Variants in VWA5B2 observed in about 807,000 individuals in gnomAD.
VWA5B2 encodes the protein von Willebrand factor A domain containing 5B2, also known as von Willebrand factor A domain-containing protein 5B2.
In VWA5B2, 93 loss-of-function variants were observed where a neutral mutation model predicts 118.5. The ratio of observed to expected loss-of-function variants is 0.79; its 90% CI spans 0.66 to 0.93. The LOEUF is 0.93. Ranked by LOEUF, VWA5B2 falls within the 40% of genes least tolerant of loss-of-function variation. VWA5B2 has a pLI of 0.00. For missense variants in VWA5B2, 1,546 were observed against 1,672.8 expected, an observed-to-expected ratio of 0.92 and a Z score of 1.32; for synonymous variants, 708 against 716.3, an observed-to-expected ratio of 0.99 and a Z score of 0.19.
At chr3:184,235,861 T>G (rs1052669617) in intron 8 of VWA5B2, among the ~76,000 whole-genome samples, 1 of 151,040 alleles carries the variant, frequency 6.6e-6, no homozygotes, top group Non-Finnish European at 1.5e-5. Context: ...CACACAGTCA[T>G]GTACACCTCC....
In VWA5B2 at chr3:184,239,896, G is replaced by A. The variant is rs1302768923; in HGVS notation, c.2600G>A (p.Gly867Glu). 4 of 1,551,658 alleles carry A rather than the reference G, an allele frequency of 2.6e-6. No homozygotes were observed. Among genetic ancestry groups the A allele is most frequent in the Non-Finnish European group, 3.5e-6 (4 of 1,146,990 alleles). The change falls in exon 16 of 20, where the codon GGA (glycine) becomes GAA (glutamate). Residue 867 changes from glycine (G) to glutamate (E), a missense_variant. Around this residue, in one of 3 missense-constraint regions of VWA5B2, gnomAD observed 763 missense variants for 766.6 expected, o/e 1.00. Coordinates refer to ENST00000691901, the MANE Select transcript of VWA5B2 (RefSeq NM_001390846.1). The surrounding 1 kb of genome is among the most constrained non-coding windows in gnomAD (Gnocchi z 5.1). ...GVGLETLWGPGDGSQPPSPPV... is the reference protein window; with the variant it reads ...GVGLETLWGPEDGSQPPSPPV... ...GGGCTGGAGACACTGTGGGGACCTG[G>A]AGATGGCTCACAGCCTCCCTCACCT...
At position 184,233,779 on chromosome 3, in the gene VWA5B2, A is replaced by C; in HGVS notation, c.688+46A>C. The C allele has an allele frequency of 6.5e-7, 1 of 1,543,070 alleles. No homozygotes were observed. ...TGCCCTCTTTTCAGATGCCCACTCC[A>C]CCCAGTGTAGTGACTGGAAGGGAAA... On this transcript the variant is annotated intron_variant, in intron 5 of 19. Coordinates refer to ENST00000691901, the MANE Select transcript of VWA5B2 (RefSeq NM_001390846.1). This position sits in a 1 kb window ranked among gnomAD's most constrained non-coding sequence, Gnocchi z 5.2.
rs978635335 is a variant in VWA5B2, at chr3:184,238,393, A to G, written c.1810A>G (p.Thr604Ala). The G allele has an allele frequency of 5.2e-6, 8 of 1,550,524 alleles. No individual in the cohort carries two copies. The African/African-American group carries it at 1.1e-4, about 21-fold the overall frequency. ...TGCTGCCAGCCCTGGCACTGAGCCC[A>G]CTGGCACCTCAGAGCCACTGGGAAC... ...PSAASPGTEP[T>A]GTSEPLGTGT... The change falls in exon 13 of 20, where the codon ACT (threonine) becomes GCT (alanine). Residue 604 changes from threonine to alanine, a missense_variant. Transcript: ENST00000691901. The surrounding 1 kb of genome is among the most constrained non-coding windows in gnomAD (Gnocchi z 5.0).
Position 184,238,188 on chromosome 3 carries a change from C to A in VWA5B2, c.1720-115C>A. The A allele has an allele frequency of 3.3e-6, 3 of 902,624 alleles. No homozygotes were observed. Among genetic ancestry groups the A allele is most frequent in the South Asian group, 3.8e-5 (2 of 52,552 alleles). The allele number at this position is 902,624 out of a possible 1,614,324, so 55.9% of individuals were successfully genotyped here. A position where few individuals can be genotyped will look rare whatever the true frequency, so the allele number is the denominator to read the frequency against. On this transcript the variant is annotated intron_variant, in intron 12 of 19. Transcript: ENST00000691901. This position sits in a 1 kb window ranked among gnomAD's most constrained non-coding sequence, Gnocchi z 5.0. ...TGCTTCCTCCTTCTTTAGTACTGGTCTTTTGTTTCTGGTTTATTAGCTTTG... is the reference window on the plus strand; with the variant it reads ...TGCTTCCTCCTTCTTTAGTACTGGTATTTTGTTTCTGGTTTATTAGCTTTG...
At position 184,237,334 on chromosome 3, in the gene VWA5B2, G is replaced by A. The variant is rs1435562364; in HGVS notation, c.1642G>A (p.Ala548Thr). 5 of 1,551,300 alleles carry A rather than the reference G, an allele frequency of 3.2e-6. No individual in the cohort carries two copies. The Admixed American group carries it at 7.8e-5, about 24-fold the overall frequency. The change falls in exon 12 of 20, where the codon GCA becomes ACA. Residue 548 changes from alanine to threonine, a missense_variant. Physicochemically the swap from Ala to Thr is moderately conservative, Grantham distance 58. Coordinates refer to ENST00000691901, the MANE Select transcript of VWA5B2 (RefSeq NM_001390846.1). The surrounding 1 kb of genome is among the most constrained non-coding windows in gnomAD (Gnocchi z 5.6). ...EALLTPREIP[A>T]LYPGDQLLGY... is the part of the protein sequence containing the mutation. Reference sequence around the variant, plus strand: ...ACTGCTGACCCCCCGGGAGATCCCAGCACTCTACCCTGGGGACCAGCTGCT... The same window carrying A: ...ACTGCTGACCCCCCGGGAGATCCCAACACTCTACCCTGGGGACCAGCTGCT...
Position 184,238,939 on chromosome 3 carries a change from C to A in VWA5B2, c.2202+66C>A. On this transcript the variant is annotated intron_variant, in intron 14 of 19. Coordinates refer to ENST00000691901, the MANE Select transcript of VWA5B2 (RefSeq NM_001390846.1). This position sits in a 1 kb window ranked among gnomAD's most constrained non-coding sequence, Gnocchi z 5.0. ...ATATTTATTTACCACCTGCTGTGCACCAGATATTATGTAGAGTTTACTATT... is the reference window on the plus strand; with the variant it reads ...ATATTTATTTACCACCTGCTGTGCAACAGATATTATGTAGAGTTTACTATT... 1 of 1,398,094 alleles carries A rather than the reference C, an allele frequency of 7.2e-7. No homozygotes were observed. The highest frequency in any genetic ancestry group is 9.5e-7 in the Non-Finnish European group (1 of 1,051,426). 86.6% of individuals were successfully genotyped at this position (1,398,094 alleles called of 1,614,324 possible).
rs1316397739 is a variant in VWA5B2 at position 184,233,785 on chromosome 3, T to C, written c.688+52T>C. 2.7e-5 allele frequency: 42 copies of C among 1,539,040 alleles called. No individual in the cohort carries two copies. Among genetic ancestry groups the C allele is most frequent in the South Asian group, 7.3e-5 (6 of 82,402 alleles). ...CTTTTCAGATGCCCACTCCACCCAG[T>C]GTAGTGACTGGAAGGGAAATAAGGC... On this transcript the variant is annotated intron_variant, in intron 5 of 19. Transcript: ENST00000691901. This position sits in a 1 kb window ranked among gnomAD's most constrained non-coding sequence, Gnocchi z 5.2.
At position 184,236,641 on chromosome 3, in the gene VWA5B2, C is replaced by A; in HGVS notation, c.1425C>A (p.Cys475Ter). 1 of 1,550,936 alleles carries A rather than the reference C, an allele frequency of 6.4e-7. No individual in the cohort carries two copies. The highest frequency in any genetic ancestry group is 8.7e-7 in the Non-Finnish European group (1 of 1,146,462). ...GCTGCTTCCTTTCCTTCATCAGATGCTTCTCCTTTGGGCTGGGGCCCACCT... is the reference window on the plus strand; with the variant it reads ...GCTGCTTCCTTTCCTTCATCAGATGATTCTCCTTTGGGCTGGGGCCCACCT... ...LMRWHRGTAR[C>*]FSFGLGPTCH... is the part of the protein sequence containing the mutation. The change falls in exon 11 of 20, where the codon TGC (cysteine) becomes TGA (stop). Residue 475 changes from cysteine (C) to a stop codon, truncating the protein, a stop_gained. Coordinates refer to ENST00000691901, the MANE Select transcript of VWA5B2 (RefSeq NM_001390846.1). LOFTEE classifies it high-confidence loss of function.
intron 1 of VWA5B2, 53 bp from the exon 2 acceptor site, chr3:184,230,327 C>A (rs1177180577): frequency 3.5e-6 from 2 of 567,846 alleles, no homozygotes; most frequent in Non-Finnish European, 5.5e-6. Flanking sequence ...GGATGCCCTC[C>A]TCGCCACCAC....
Position 184,233,443 on chromosome 3 carries a change from G to C in VWA5B2, c.530+46G>C. The C allele has an allele frequency of 6.7e-7, 1 of 1,498,762 alleles. No homozygotes were observed. The highest frequency in any genetic ancestry group is 8.9e-7 in the Non-Finnish European group (1 of 1,122,184). 92.8% of individuals were successfully genotyped at this position (1,498,762 alleles called of 1,614,324 possible). ...CTTCGTCCCTCCCTCGGCTTCTCTG[G>C]GTCTAGTGCGGGTGAGGGGGCACTG... On this transcript the variant is annotated intron_variant, in intron 4 of 19. Coordinates refer to ENST00000691901, the MANE Select transcript of VWA5B2 (RefSeq NM_001390846.1). This position sits in a 1 kb window ranked among gnomAD's most constrained non-coding sequence, Gnocchi z 5.2.
Position 184,233,721 on chromosome 3 carries a change from T to C in VWA5B2, c.676T>C (p.Cys226Arg), listed in dbSNP as rs1285503894. ...CTTCGAGATGCTGGTGACTGGGCCA[T>C]GCCTGCTTGCAGGTGGGTGCATCTG... Reference protein sequence around the residue: ...FSFEMLVTGPCLLAGLESPSH... With the variant: ...FSFEMLVTGPRLLAGLESPSH... Residue 226 changes from cysteine to arginine, a missense_variant, in exon 5 of 20, where the codon TGC (cysteine) becomes CGC (arginine). Coordinates refer to ENST00000691901, the MANE Select transcript of VWA5B2 (RefSeq NM_001390846.1). This position sits in a 1 kb window ranked among gnomAD's most constrained non-coding sequence, Gnocchi z 5.2. 1 of 1,550,470 alleles carries C rather than the reference T, an allele frequency of 6.4e-7. No individual in the cohort carries two copies. Among genetic ancestry groups the C allele is most frequent in the African/African-American group, 1.4e-5 (1 of 73,130 alleles).
chr3:184,241,701 G>A lies in VWA5B2; in HGVS notation c.3392G>A (p.Ser1131Asn). ...ACGGCCTCCTGCAGCCCGTCCCCCAGCTCGGGCTCTGAGGGGCCAGGCCAG... is the reference window on the plus strand; with the variant it reads ...ACGGCCTCCTGCAGCCCGTCCCCCAACTCGGGCTCTGAGGGGCCAGGCCAG... ...SATASCSPSP[S>N]SGSEGPGQVD... The change falls in exon 20 of 20, where the codon AGC (serine) becomes AAC (asparagine). Residue 1131 changes from serine (S) to asparagine (N), a missense_variant. Coordinates refer to ENST00000691901, the MANE Select transcript of VWA5B2 (RefSeq NM_001390846.1). The surrounding 1 kb of genome is among the most constrained non-coding windows in gnomAD (Gnocchi z 5.1). 1 of 1,513,304 alleles carries A rather than the reference G, an allele frequency of 6.6e-7. No homozygotes were observed. Among genetic ancestry groups the A allele is most frequent in the Non-Finnish European group, 8.8e-7 (1 of 1,132,470 alleles). The allele number at this position is 1,513,304 out of a possible 1,614,324, so 93.7% of individuals were successfully genotyped here.
rs184630385 is a variant in VWA5B2 at position 184,241,922 on chromosome 3, G to A, written c.3613G>A (p.Asp1205Asn). The A allele has an allele frequency of 1.3e-6, 2 of 1,547,544 alleles. No homozygotes were observed. Among genetic ancestry groups the A allele is most frequent in the Admixed American group, 2.0e-5 (1 of 50,804 alleles). Residue 1205 changes from aspartate (D) to asparagine (N), a missense_variant, in exon 20 of 20, where the codon GAC (aspartate) becomes AAC (asparagine). By Grantham distance (23) the Asp-to-Asn change is conservative. Around this residue, in one of 3 missense-constraint regions of VWA5B2, gnomAD observed 763 missense variants for 766.6 expected, o/e 1.00. Coordinates refer to ENST00000691901, the MANE Select transcript of VWA5B2 (RefSeq NM_001390846.1). The surrounding 1 kb of genome is among the most constrained non-coding windows in gnomAD (Gnocchi z 5.1). ...DCWLRAQHLPDGLDLAALKAA... is the reference protein window; with the variant it reads ...DCWLRAQHLPNGLDLAALKAA... Reference sequence around the variant, plus strand: ...CTGGCTGCGGGCCCAGCACTTGCCTGACGGCCTTGACCTGGCCGCCCTCAA... The same window carrying A: ...CTGGCTGCGGGCCCAGCACTTGCCTAACGGCCTTGACCTGGCCGCCCTCAA...
At position 184,241,095 on chromosome 3, in the gene VWA5B2, G is replaced by T. The variant is rs1560158134; in HGVS notation, c.2950G>T (p.Val984Phe). 4 of 1,551,586 alleles carry T rather than the reference G, an allele frequency of 2.6e-6. No individual in the cohort carries two copies. In the Admixed American group the frequency reaches 5.9e-5, roughly 23 times the overall value. ...HLDAAPLPTVVYSKGLQRGSP... is the reference protein window; with the variant it reads ...HLDAAPLPTVFYSKGLQRGSP... Reference sequence around the variant, plus strand: ...AGATGCAGCTCCTCTGCCCACTGTTGTCTACTCTAAAGGTAACACCCAAAG... The same window carrying T: ...AGATGCAGCTCCTCTGCCCACTGTTTTCTACTCTAAAGGTAACACCCAAAG... Residue 984 changes from valine (V) to phenylalanine (F), a missense_variant, in exon 18 of 20, where the codon GTC (valine) becomes TTC (phenylalanine). This residue lies in a region of VWA5B2 where 763 missense variants were observed against 766.6 expected (regional missense o/e 1.00). Transcript: ENST00000691901. This position sits in a 1 kb window ranked among gnomAD's most constrained non-coding sequence, Gnocchi z 5.1.
In VWA5B2 at chr3:184,233,651, C is replaced by A. The variant is rs148678125; in HGVS notation, c.606C>A (p.Asp202Glu). 1 of 1,551,300 alleles carries A rather than the reference C, an allele frequency of 6.4e-7. No homozygotes were observed. Among genetic ancestry groups the A allele is most frequent in the South Asian group, 1.2e-5 (1 of 84,044 alleles). ...GGGAGGAGCTGGCTGCCCCTCGGGA[C>A]GTGTTCTCAGGCCCTGCCCGCTGCC... Reference protein sequence around the residue: ...LAWEELAAPRDVFSGPARCPA... With the variant: ...LAWEELAAPREVFSGPARCPA... The change falls in exon 5 of 20, where the codon GAC (aspartate) becomes GAA (glutamate). Residue 202 changes from aspartate (D) to glutamate (E), a missense_variant. This residue lies in a region of VWA5B2 where 775 missense variants were observed against 882.3 expected (regional missense o/e 0.88). Transcript: ENST00000691901. The surrounding 1 kb of genome is among the most constrained non-coding windows in gnomAD (Gnocchi z 5.2).
At chr3:184,236,907 G>C (rs1439055491) in intron 11 of VWA5B2, among the ~76,000 whole-genome samples, 158 bp downstream of exon 11, 3 of 152,220 alleles carry the variant, frequency 2.0e-5, no homozygotes, top group Non-Finnish European at 2.9e-5. Context: ...TTGGTGCTGT[G>C]AAGGCCAAAG....
At chr3:184,231,134 C>G (rs964442131) in intron 3 of VWA5B2, among the ~76,000 whole-genome samples, 1 of 152,240 alleles carries the variant, frequency 6.6e-6, no homozygotes, top group Admixed American at 6.5e-5. Context: ...GAGACAGACA[C>G]AGCAGGCAGC....
chr3:184,238,749 G>A lies in VWA5B2; in HGVS notation c.2078G>A (p.Gly693Asp). 6.4e-7 allele frequency: 1 copy of A among 1,550,890 alleles called. No individual in the cohort carries two copies. Among genetic ancestry groups the A allele is most frequent in the Non-Finnish European group, 8.7e-7 (1 of 1,146,984 alleles). ...SSESPGSQGP[G>D]SPEGSAPLEP... ...GAGTCCCCAGGCTCACAGGGCCCTG[G>A]CTCCCCCGAAGGTAGTGCTCCCTTG... Residue 693 changes from glycine (G) to aspartate (D), a missense_variant, in exon 14 of 20, where the codon GGC (glycine) becomes GAC (aspartate). By Grantham distance (94) the Gly-to-Asp change is moderately conservative. This residue lies in a region of VWA5B2 where 763 missense variants were observed against 766.6 expected (regional missense o/e 1.00). Coordinates refer to ENST00000691901, the MANE Select transcript of VWA5B2 (RefSeq NM_001390846.1). This position sits in a 1 kb window ranked among gnomAD's most constrained non-coding sequence, Gnocchi z 5.0.
chr3:184,241,663 G>A lies in VWA5B2; in HGVS notation c.3354G>A (p.Gln1118=). Residue 1118 remains glutamine, a synonymous_variant, in exon 20 of 20, where the codon CAG becomes CAA. Transcript: ENST00000691901. The surrounding 1 kb of genome is among the most constrained non-coding windows in gnomAD (Gnocchi z 5.1). The part of the protein sequence containing the change: ...PWALLGPGVG[Q]GDSATASCSP... ...CACTTCTGGGCCCTGGTGTTGGCCA[G>A]GGTGACAGTGCCACGGCCTCCTGCA... 1 of 1,533,386 alleles carries A rather than the reference G, an allele frequency of 6.5e-7. No individual in the cohort carries two copies. Among genetic ancestry groups the A allele is most frequent in the South Asian group, 1.2e-5 (1 of 83,796 alleles). 95.0% of individuals were successfully genotyped at this position (1,533,386 alleles called of 1,614,324 possible). A position where few individuals can be genotyped will look rare whatever the true frequency, so the allele number is the denominator to read the frequency against.
Sources: allele counts gnomAD v4.1 joint callset (sites outside exome capture counted in the v4.1 genomes callset), GRCh38; gene constraint gnomAD v4.1.1; regional missense constraint gnomAD v4.1.1; non-coding constraint Gnocchi (gnomAD v3.1); transcripts MANE v1.5; gene names NCBI Gene and HGNC (gene_info 2026-07-23, HGNC 2026-07-21).